Variants in ARSB observed in about 807,000 individuals in gnomAD.
ARSB encodes the protein N-acetylgalactosamine-4-sulfatase.
ARSB carries 41 observed loss-of-function variants against 50.9 expected under a neutral mutation model. That is an observed-to-expected ratio of 0.81 (90% confidence interval 0.63 to 1.04). The LOEUF (loss-of-function observed/expected upper bound fraction) is 1.04. Among genes scored for constraint, ARSB ranks in the 50% least tolerant of loss-of-function variants. The probability of loss-of-function intolerance (pLI) is 0.00; values close to 1 mark genes in which losing one functional copy is unlikely to be tolerated. For synonymous variants in ARSB, 269 were observed against 284.8 expected, an observed-to-expected ratio of 0.94 and a Z score of 0.56; for missense variants, 672 against 693.3, an observed-to-expected ratio of 0.97 and a Z score of 0.35.
At chr5:78,959,306 C>T (rs1233739733) in intron 3 of ARSB, among the ~76,000 whole-genome samples, 1 of 151,868 alleles carries the variant, frequency 6.6e-6, no homozygotes, top group African/African-American at 2.4e-5. Context: ...TCAATTAAAC[C>T]TCTTTCCTTT....
intron 1 of ARSB, among the ~76,000 whole-genome samples, chr5:78,976,700 T>G (rs141712637): frequency 1.3e-5 from 2 of 152,258 alleles, no homozygotes; most frequent in African/African-American, 4.8e-5. Context: ...GGCACTTGAC[T>G]GTATTTCCTT....
chr5:78,840,415 G>A (rs1745151203), intron 5 of ARSB, among the ~76,000 whole-genome samples: 1 of 152,182 alleles, frequency 6.6e-6, no homozygotes, highest in Non-Finnish European at 1.5e-5. Flanking sequence ...GTTAGCTGTT[G>A]ATAGCAGTGG....
At chr5:78,824,192 A>C (rs1240562935) in intron 6 of ARSB, among the ~76,000 whole-genome samples, 1 of 152,250 alleles carries the variant, frequency 6.6e-6, no homozygotes, top group African/African-American at 2.4e-5. Flanking sequence ...CTGCAGAATC[A>C]TGAGCGAAAT....
chr5:78,790,987 G>A (rs921274039), intron 6 of ARSB, among the ~76,000 whole-genome samples: 4 of 152,122 alleles, frequency 2.6e-5, no homozygotes, highest in South Asian at 2.1e-4. Context: ...TTTTCTGTCC[G>A]GTTTGTTTGG....
intron 3 of ARSB, among the ~76,000 whole-genome samples, chr5:78,956,937 T>C (rs1423173570): frequency 1.3e-5 from 2 of 148,898 alleles, no homozygotes; most frequent in Non-Finnish European, 3.0e-5. Flanking sequence ...TAAACTATAT[T>C]TTATGAGAAA....
chr5:78,937,383 T>C (rs948099162), intron 4 of ARSB, among the ~76,000 whole-genome samples: 2 of 144,830 alleles, frequency 1.4e-5, no homozygotes, highest in East Asian at 2.0e-4. Flanking sequence ...GTAAGATATA[T>C]ATATCATATA....
intron 4 of ARSB, among the ~76,000 whole-genome samples, chr5:78,915,371 G>A (rs1196714672): frequency 6.6e-6 from 1 of 151,994 alleles, no homozygotes; most frequent in African/African-American, 2.4e-5. Flanking sequence ...AGGAAAACAA[G>A]TGATTCCAGG....
At chr5:78,973,736 G>A (rs762195981) in intron 1 of ARSB, among the ~76,000 whole-genome samples, 1 of 152,260 alleles carries the variant, frequency 6.6e-6, no homozygotes, top group East Asian at 1.9e-4. Flanking sequence ...TCCCAAGAGC[G>A]AAGCAAACCA....
chr5:78,884,762 T>C (rs1462715278), intron 5 of ARSB: 1 of 151,946 alleles, frequency 6.6e-6, no homozygotes, highest in African/African-American at 2.4e-5. Context: ...TGAGATGAAA[T>C]TAGATATTAA....
chr5:78,853,894 T>C (rs1369747622), intron 5 of ARSB, among the ~76,000 whole-genome samples: 2 of 152,224 alleles, frequency 1.3e-5, no homozygotes, highest in Non-Finnish European at 1.5e-5. Flanking sequence ...TAGTGTGCCG[T>C]TTTTTAAGCC....
intron 5 of ARSB, among the ~76,000 whole-genome samples, chr5:78,872,583 G>T (rs1056778183): frequency 7.2e-6 from 1 of 138,546 alleles, no homozygotes. Context: ...ACCAAACACC[G>T]CATATTCTCA....
At chr5:78,853,893 G>A (rs567270694) in intron 5 of ARSB, among the ~76,000 whole-genome samples, 15 of 152,358 alleles carry the variant, frequency 9.8e-5, no homozygotes, top group African/African-American at 2.9e-4. Context: ...CTAGTGTGCC[G>A]TTTTTTAAGC....
intron 6 of ARSB, among the ~76,000 whole-genome samples, chr5:78,798,404 G>C (rs990661547): frequency 1.3e-4 from 19 of 148,848 alleles, no homozygotes; most frequent in African/African-American, 4.0e-4. Context: ...AAAAAAAAAA[G>C]GGAAACTAAA....
rs1313700683 is a variant in ARSB at position 78,985,234 on chromosome 5, G to A, written c.15C>T (p.Gly5=). MGPR[G]AASLPRGPGP... ...CGGGGCCTCGGGGCAAGCTCGCCGC[G>A]CCGCGCGGACCCATCCTTGTCCGCC... Residue 5 remains glycine, a synonymous_variant, in exon 1 of 8, where the codon GGC becomes GGT. Coordinates refer to ENST00000264914, the MANE Select transcript of ARSB (RefSeq NM_000046.5). The A allele has an allele frequency of 4.5e-6, 6 of 1,328,928 alleles. No homozygotes were observed. The highest frequency in any genetic ancestry group is 1.5e-5 in the African/African-American group (1 of 64,716). 82.3% of individuals were successfully genotyped at this position (1,328,928 alleles called of 1,614,324 possible).
At chr5:78,849,075 T>C (rs1450297134) in intron 5 of ARSB, among the ~76,000 whole-genome samples, 8 of 152,232 alleles carry the variant, frequency 5.3e-5, no homozygotes, top group African/African-American at 1.4e-4. Context: ...TTTAATTAGA[T>C]CCCATTTGTC....
At chr5:78,935,932 CA>C (rs1286787467) in intron 4 of ARSB, among the ~76,000 whole-genome samples, 3 of 95,900 alleles carry the variant, frequency 3.1e-5, no homozygotes, top group Admixed American at 2.1e-4. Context: ...CCCTCTCCTC[CA>C]CTCCCCTCCC....
chr5:78,807,430 C>T (rs1743605770), intron 6 of ARSB, among the ~76,000 whole-genome samples: 1 of 152,188 alleles, frequency 6.6e-6, no homozygotes, highest in Admixed American at 6.5e-5. Context: ...CATTTCTCTT[C>T]TACAACCTCA....
rs763502806 is a variant in ARSB, at chr5:78,984,964, C to T, written c.285G>A (p.Arg95=). 1 of 1,487,210 alleles carries T rather than the reference C, an allele frequency of 6.7e-7. No homozygotes were observed. The highest frequency in any genetic ancestry group is 1.3e-5 in the South Asian group (1 of 74,924). 92.1% of individuals were successfully genotyped at this position (1,487,210 alleles called of 1,614,324 possible). Residue 95 remains arginine, a synonymous_variant, in exon 1 of 8, where the codon CGG becomes CGA. Coordinates refer to ENST00000264914, the MANE Select transcript of ARSB (RefSeq NM_000046.5). ...GGTAGCGGCCAGTGAGCAGCTGGCT[C>T]CGCGACGGCGTGCACAGCGGCTGCG... The part of the protein sequence containing the change: ...YYTQPLCTPS[R]SQLLTGRYQI...
intron 4 of ARSB, among the ~76,000 whole-genome samples, chr5:78,901,786 T>A (rs1240969973): frequency 6.6e-6 from 1 of 152,216 alleles, no homozygotes; most frequent in Admixed American, 6.5e-5. Context: ...TGTCCCACAT[T>A]AGTCATCCAA....
Sources: gnomAD v4.1 joint callset for allele counts (sites outside exome capture counted in the v4.1 genomes callset) on GRCh38, gnomAD v4.1.1 for gene constraint, MANE v1.5 for transcripts, NCBI Gene and HGNC (gene_info 2026-07-23, HGNC 2026-07-21) for gene names.